Variants in VPS13B observed in about 807,000 individuals in gnomAD.
VPS13B encodes the protein intermembrane lipid transfer protein VPS13B.
Under a neutral mutation model 426.4 loss-of-function variants are expected in VPS13B, and 285 were observed. The ratio of observed to expected loss-of-function variants is 0.67; its 90% CI spans 0.61 to 0.74. The LOEUF is 0.74. Ranked by LOEUF, VPS13B falls within the 30% of genes least tolerant of loss-of-function variation. The pLI is 0.00. For missense variants in VPS13B, 4,537 were observed against 4,782.6 expected, an observed-to-expected ratio of 0.95 and a Z score of 1.51; for synonymous variants, 1,676 against 1,676.4, an observed-to-expected ratio of 1.00 and a Z score of 0.01.
chr8:99,212,028 G>A (rs997123941), intron 17 of VPS13B, among the ~76,000 whole-genome samples: 6 of 151,824 alleles, frequency 4.0e-5, no homozygotes, highest in Non-Finnish European at 1.5e-5. Flanking sequence ...GAGTAGCTGG[G>A]ATTACAGGCG....
At chr8:99,068,339 G>C (rs773276780) in intron 3 of VPS13B, among the ~76,000 whole-genome samples, 1 of 152,108 alleles carries the variant, frequency 6.6e-6, no homozygotes, top group African/African-American at 2.4e-5. Flanking sequence ...AAATCACTAG[G>C]TTACAAAGCA....
At chr8:99,804,891 G>A (rs1199328917) in intron 43 of VPS13B, among the ~76,000 whole-genome samples, 2 of 151,964 alleles carry the variant, frequency 1.3e-5, no homozygotes, top group Non-Finnish European at 1.5e-5. Flanking sequence ...CTAGCTACTC[G>A]GGAGGCTGAG....
chr8:99,784,469 C>T lies in VPS13B; in HGVS notation c.7934C>T (p.Ser2645Phe). Residue 2645 changes from serine (S) to phenylalanine (F), a missense_variant, in exon 43 of 62, where the codon TCC (serine) becomes TTC (phenylalanine). Coordinates refer to ENST00000357162, the MANE Select transcript of VPS13B (RefSeq NM_152564.5). ...CAGTACAGCTGGCGCTCTCACAAAT[C>T]CCCACAGGTATTTGAGAAACACCCT... ...SHQYSWRSHK[S>F]PQLLHICIEG... The T allele has an allele frequency of 1.9e-6, 3 of 1,613,610 alleles. No individual in the cohort carries two copies. The highest frequency in any genetic ancestry group is 2.5e-6 in the Non-Finnish European group (3 of 1,179,636).
chr8:99,590,623 A>G (rs969395913), intron 33 of VPS13B, among the ~76,000 whole-genome samples: 5 of 152,188 alleles, frequency 3.3e-5, no homozygotes, highest in Admixed American at 3.3e-4. Flanking sequence ...CAAGTTGTTC[A>G]GTTTCCATGT....
At chr8:99,357,305 T>C (rs924998667) in intron 19 of VPS13B, among the ~76,000 whole-genome samples, 3 of 152,236 alleles carry the variant, frequency 2.0e-5, no homozygotes, top group African/African-American at 7.2e-5. Flanking sequence ...TTATACCATG[T>C]CAGGTATTAT....
chr8:99,585,488 T>G (rs1192557248), intron 33 of VPS13B, among the ~76,000 whole-genome samples: 1 of 152,184 alleles, frequency 6.6e-6, no homozygotes, highest in Admixed American at 6.6e-5. Flanking sequence ...TTATACACTA[T>G]GGCCACATGG....
intron 31 of VPS13B, among the ~76,000 whole-genome samples, chr8:99,559,550 T>G (rs1416165712): frequency 6.6e-6 from 1 of 152,166 alleles, no homozygotes; most frequent in African/African-American, 2.4e-5. Context: ...GTCTAACATT[T>G]AAGTCTTTAA....
chr8:99,610,004 A>G (rs1827774149), intron 33 of VPS13B, among the ~76,000 whole-genome samples: 1 of 152,242 alleles, frequency 6.6e-6, no homozygotes, highest in African/African-American at 2.4e-5. Flanking sequence ...TCTGTGGACC[A>G]TGCTTTCACA....
At chr8:99,710,240 A>G (rs940696538) in intron 36 of VPS13B, among the ~76,000 whole-genome samples, 1 of 152,324 alleles carries the variant, frequency 6.6e-6, no homozygotes, top group East Asian at 1.9e-4. Flanking sequence ...GAACTTTACA[A>G]AATTATTCAG....
chr8:99,127,181 C>T (rs960383685), intron 8 of VPS13B, among the ~76,000 whole-genome samples: 3 of 151,806 alleles, frequency 2.0e-5, no homozygotes, highest in Non-Finnish European at 4.4e-5. Context: ...GGTGCTTCTC[C>T]TCTTCTGTAT....
At chr8:99,146,810 C>G (rs117046980) in intron 13 of VPS13B, among the ~76,000 whole-genome samples, 1 of 152,122 alleles carries the variant, frequency 6.6e-6, no homozygotes, top group Non-Finnish European at 1.5e-5. Flanking sequence ...TGGGCTCAAA[C>G]AATCCTGCCT....
intron 33 of VPS13B, among the ~76,000 whole-genome samples, chr8:99,604,495 GTT>G (rs767971168): frequency 4.6e-3 from 535 of 115,222 alleles, no homozygotes; most frequent in African/African-American, 0.017. Flanking sequence ...TTTCCTTGGT[GTT>G]TTTTTTTTTT....
intron 24 of VPS13B, among the ~76,000 whole-genome samples, chr8:99,474,699 G>C (rs986359791): frequency 2.0e-5 from 3 of 152,046 alleles, no homozygotes; most frequent in Non-Finnish European, 4.4e-5. Flanking sequence ...ATAAATGATA[G>C]ACTCAATATG....
chr8:99,313,944 C>T (rs1821162295), intron 19 of VPS13B, among the ~76,000 whole-genome samples: 1 of 152,068 alleles, frequency 6.6e-6, no homozygotes, highest in African/African-American at 2.4e-5. Flanking sequence ...AGTGAGGCTT[C>T]GTGGGCTTGG....
At chr8:99,454,578 A>G (rs976478339) in intron 23 of VPS13B, among the ~76,000 whole-genome samples, 1 of 152,226 alleles carries the variant, frequency 6.6e-6, no homozygotes, top group Admixed American at 6.5e-5. Flanking sequence ...GCAATTTTAA[A>G]TAAAGCCGCT....
chr8:99,687,481 C>T (rs1349738593), intron 35 of VPS13B, among the ~76,000 whole-genome samples: 3 of 152,004 alleles, frequency 2.0e-5, no homozygotes, highest in African/African-American at 7.3e-5. Flanking sequence ...CTTTAGCCTG[C>T]AGTGGCAAGG....
At chr8:99,402,585 A>C (rs1169744126) in intron 21 of VPS13B, among the ~76,000 whole-genome samples, 1 of 152,168 alleles carries the variant, frequency 6.6e-6, no homozygotes, top group African/African-American at 2.4e-5. Flanking sequence ...CAAGGAGCCA[A>C]TTTAAACTAA....
chr8:99,267,729 A>AAAAAAAG (rs371628830), intron 17 of VPS13B, among the ~76,000 whole-genome samples: 1 of 151,910 alleles, frequency 6.6e-6, no homozygotes, highest in Non-Finnish European at 1.5e-5. Flanking sequence ...CCGTCAAAAA[A>AAAAAAAG]AAAAAAGAAA....
intron 19 of VPS13B, among the ~76,000 whole-genome samples, chr8:99,282,696 G>A (rs931812847): frequency 1.1e-4 from 16 of 151,912 alleles, no homozygotes; most frequent in African/African-American, 3.9e-4. Flanking sequence ...TTTTACTAAG[G>A]TAAGAAAAAT....
Sources: allele counts gnomAD v4.1 joint callset (sites outside exome capture counted in the v4.1 genomes callset), GRCh38; gene constraint gnomAD v4.1.1; transcripts MANE v1.5; gene names NCBI Gene and HGNC (gene_info 2026-07-23, HGNC 2026-07-21).